Variants in NRG2 observed in about 807,000 individuals in gnomAD.
NRG2 encodes pro-neuregulin-2, membrane-bound isoform.
NRG2 carries 27 observed loss-of-function variants against 73.9 expected under a neutral mutation model. The observed-to-expected ratio is 0.37, with a 90% CI of 0.27 to 0.50. NRG2 has a LOEUF of 0.50. NRG2 is among the 20% of genes least tolerant of loss of function. NRG2 has a pLI of 0.96. For missense variants in NRG2, 1,126 were observed against 1,210.1 expected (o/e 0.93, Z 1.03); for synonymous variants, 532 against 541.0 (o/e 0.98, Z 0.23).
chr5:140,006,632 G>A (rs760191515), intron 1 of NRG2, among the ~76,000 whole-genome samples: 20 of 152,104 alleles, frequency 1.3e-4, no homozygotes, highest in African/African-American at 2.2e-4. Context: ...TTCTAAGAAC[G>A]GTTTGCCGTG....
At chr5:139,850,410 C>T (rs1761342568) in intron 9 of NRG2, among the ~76,000 whole-genome samples, 1 of 152,168 alleles carries the variant, frequency 6.6e-6, no homozygotes, top group Admixed American at 6.5e-5. Flanking sequence ...GGTGTGGTGT[C>T]ATGTTTAGCA....
chr5:139,903,949 G>A (rs1765048526), intron 1 of NRG2, among the ~76,000 whole-genome samples: 1 of 152,228 alleles, frequency 6.6e-6, no homozygotes, highest in Non-Finnish European at 1.5e-5. Context: ...GCCAGGCCGG[G>A]CCCAGCGTCT....
At chr5:139,959,818 C>T (rs1351872242) in intron 1 of NRG2, among the ~76,000 whole-genome samples, 4 of 152,216 alleles carry the variant, frequency 2.6e-5, no homozygotes, top group African/African-American at 9.6e-5. Context: ...CAGCCGATTT[C>T]CCTGTCTTGG....
At chr5:139,860,490 A>G (rs1470389365) in intron 5 of NRG2, among the ~76,000 whole-genome samples, 1 of 151,914 alleles carries the variant, frequency 6.6e-6, no homozygotes, top group Middle Eastern at 3.2e-3. Flanking sequence ...GGGGAGCCTC[A>G]GAGTCTGTGG....
At chr5:139,981,186 C>CGATT (rs1756774433) in intron 1 of NRG2, among the ~76,000 whole-genome samples, 1 of 152,178 alleles carries the variant, frequency 6.6e-6, no homozygotes, top group African/African-American at 2.4e-5. Context: ...GAGTGCAGAG[C>CGATT]GATTGCTCAC....
At chr5:140,030,016 A>G (rs571886256) in intron 1 of NRG2, among the ~76,000 whole-genome samples, 1 of 152,196 alleles carries the variant, frequency 6.6e-6, no homozygotes, top group Non-Finnish European at 1.5e-5. Flanking sequence ...CCACATTGCT[A>G]GTAGCAAACT....
chr5:139,916,232 C>T (rs932748502), intron 1 of NRG2, among the ~76,000 whole-genome samples: 4 of 152,172 alleles, frequency 2.6e-5, no homozygotes, highest in Admixed American at 2.6e-4. Context: ...GCAGCCAGGA[C>T]TTGGTATTTG....
At chr5:139,957,173 C>T (rs1190348834) in intron 1 of NRG2, among the ~76,000 whole-genome samples, 1 of 152,122 alleles carries the variant, frequency 6.6e-6, no homozygotes, top group Non-Finnish European at 1.5e-5. Context: ...GGTTACATAG[C>T]TTTGGGCTGC....
intron 1 of NRG2, among the ~76,000 whole-genome samples, chr5:139,993,205 C>T (rs1394063291): frequency 6.6e-6 from 1 of 151,998 alleles, no homozygotes; most frequent in Non-Finnish European, 1.5e-5. Flanking sequence ...CAAATCAGAT[C>T]ATATCATTTC....
At chr5:139,947,512 G>C (rs1487766044) in intron 1 of NRG2, among the ~76,000 whole-genome samples, 1 of 151,990 alleles carries the variant, frequency 6.6e-6, no homozygotes, top group Non-Finnish European at 1.5e-5. Flanking sequence ...TCTACTTTTT[G>C]TTTATTACGA....
chr5:139,864,632 T>A (rs1762363779), intron 5 of NRG2, among the ~76,000 whole-genome samples: 1 of 151,836 alleles, frequency 6.6e-6, no homozygotes. Flanking sequence ...TTGCCCTGGG[T>A]CCTGCTCTCC....
Position 139,852,328 on chromosome 5 carries a change from CAG to C in NRG2, c.1544+102_1544+103del, listed in dbSNP as rs1761492692. 7.0e-7 allele frequency: 1 copy of C among 1,425,406 alleles called. No homozygotes were observed. The highest frequency in any genetic ancestry group is 9.5e-7 in the Non-Finnish European group (1 of 1,051,416). The allele number at this position is 1,425,406 out of a possible 1,614,324, so 88.3% of individuals were successfully genotyped here. On this transcript the variant is annotated intron_variant, in intron 8 of 9. Transcript: ENST00000361474. This position sits in a 1 kb window ranked among gnomAD's most constrained non-coding sequence, Gnocchi z 4.4. The stretch of plus-strand genomic sequence containing the variant: ...TGTGCTGTGATTCCTGTGGCAAGCT[CAG>C]GGGAGGGTATTGAATAGCTCTGGAT...
intron 1 of NRG2, among the ~76,000 whole-genome samples, chr5:139,940,357 A>G (rs1753295688): frequency 6.6e-6 from 1 of 152,222 alleles, no homozygotes; most frequent in African/African-American, 2.4e-5. Flanking sequence ...AATACATACT[A>G]TGTGATTCCA....
At chr5:139,867,136 AGGCTTACAGTAAGT>A (rs150641690) in intron 4 of NRG2, among the ~76,000 whole-genome samples, 1,726 of 152,324 alleles carry the variant, frequency 0.011, 28 homozygotes, top group African/African-American at 0.04. Flanking sequence ...GAAGCCACTT[AGGCTTACAGTAAGT>A]GGCAGCCATT....
At chr5:139,860,887 G>A (rs188515880) in intron 5 of NRG2, among the ~76,000 whole-genome samples, 5 of 152,248 alleles carry the variant, frequency 3.3e-5, no homozygotes, top group East Asian at 3.9e-4. Flanking sequence ...TCTCTGTTAC[G>A]TGGGGATCAG....
Position 139,853,832 on chromosome 5 carries a change from G to T in NRG2, c.1293-805C>A, listed in dbSNP as rs1299184360. Among the ~76,000 whole-genome samples, 2 of 152,104 alleles carry T rather than the reference G, an allele frequency of 1.3e-5. No individual in the cohort carries two copies. The highest frequency in any genetic ancestry group is 2.9e-5 in the Non-Finnish European group (2 of 68,004). On this transcript the variant is annotated intron_variant, in intron 6 of 9. Coordinates refer to ENST00000361474, the MANE Select transcript of NRG2 (RefSeq NM_004883.3). The surrounding 1 kb of genome is among the most constrained non-coding windows in gnomAD (Gnocchi z 4.1). ...GGTTCATGGGTACAAAAACTAGTTA[G>T]AAGGAAAAAGACCTAGTATTCAATA...
rs1761446573 is a variant in NRG2 at position 139,851,744 on chromosome 5, G to A, written c.1632C>T (p.Thr544=). 1 of 1,614,232 alleles carries A rather than the reference G, an allele frequency of 6.2e-7. No homozygotes were observed. Among genetic ancestry groups the A allele is most frequent in the African/African-American group, 1.3e-5 (1 of 75,054 alleles). ...QSGIMLSSVG[T]SKCNSPACVE... ...CACATGCTGGGCTGTTGCATTTGCT[G>A]GTACCCACTGATGATAGCATGATCC... Residue 544 remains threonine (T), a synonymous_variant, in exon 9 of 10, where the codon ACC becomes ACT. Transcript: ENST00000361474. The surrounding 1 kb of genome is among the most constrained non-coding windows in gnomAD (Gnocchi z 4.2).
chr5:139,908,966 C>G (rs1765423012), intron 1 of NRG2, among the ~76,000 whole-genome samples: 1 of 152,180 alleles, frequency 6.6e-6, no homozygotes, highest in African/African-American at 2.4e-5. Flanking sequence ...TGAAAATGAC[C>G]CTGTGAGCCA....
At chr5:139,897,079 G>T (rs1422188) in intron 1 of NRG2, among the ~76,000 whole-genome samples, 24,208 of 152,098 alleles carry the variant, frequency 0.16, 2,015 homozygotes, top group Middle Eastern at 0.29. Flanking sequence ...TGCCTATTCT[G>T]CCCTGCCTCC....
Sources: allele counts gnomAD v4.1 joint callset (sites outside exome capture counted in the v4.1 genomes callset), GRCh38; gene constraint gnomAD v4.1.1; non-coding constraint Gnocchi (gnomAD v3.1); transcripts MANE v1.5; gene names NCBI Gene and HGNC (gene_info 2026-07-23, HGNC 2026-07-21).